The following ACOX1 variants were observed in gnomAD, a reference collection of about 807,000 sequenced individuals.
ACOX1 encodes the protein peroxisomal acyl-coenzyme A oxidase 1.
ACOX1 carries 41 observed loss-of-function variants against 75.5 expected under a neutral mutation model. The ratio of observed to expected loss-of-function variants is 0.54; its 90% CI spans 0.42 to 0.70. ACOX1 has a LOEUF of 0.70. ACOX1 is among the 30% of genes least tolerant of loss of function. The pLI is 0.00. For missense variants in ACOX1, 630 were observed against 837.5 expected (o/e 0.75, Z 3.06); for synonymous variants, 303 against 298.8 (o/e 1.01, Z -0.15).
chr17:75,953,377 T>G, intron 7 of ACOX1, 74 bp downstream of exon 7: 1 of 1,564,412 alleles, frequency 6.4e-7, no homozygotes. Flanking sequence ...GTATTGACAT[T>G]TGGGAATTCT....
rs913454229 is a variant in ACOX1 at position 75,942,391 on chromosome 17, C to T, written c.*4357G>A. 5.8e-5 allele frequency: 8 copies of T among 137,878 alleles called. No homozygotes were observed. Among genetic ancestry groups the T allele is most frequent in the African/African-American group, 2.3e-4 (8 of 34,958 alleles). 8.5% of individuals were successfully genotyped at this position (137,878 alleles called of 1,614,324 possible). ...GTTGCAGTGAGCCAAGATTTCGCCA[C>T]TGCACTCTACCCTGGGTGAAAGAGC... is the stretch of plus-strand genomic sequence containing the variant. On this transcript the variant is annotated 3_prime_UTR_variant, in exon 14 of 14. Coordinates refer to ENST00000293217, the MANE Select transcript of ACOX1 (RefSeq NM_004035.7).
intron 2 of ACOX1, among the ~76,000 whole-genome samples, chr17:75,962,814 A>G (rs1286559058): frequency 6.6e-6 from 1 of 152,198 alleles, no homozygotes; most frequent in Non-Finnish European, 1.5e-5. Flanking sequence ...GCAAGGGGTA[A>G]AACATGGACA....
rs375634741 is a variant in ACOX1 at position 75,967,722 on chromosome 17, A to G, written c.270-7347T>C. On this transcript the variant is annotated intron_variant, in intron 2 of 13. Transcript: ENST00000293217. ...CATATATATACATATATATATACAC[A>G]TATATATATATACACGTATATATAT... Among the ~76,000 whole-genome samples, 111 of 127,620 alleles carry G rather than the reference A, an allele frequency of 8.7e-4. 1 individual carries two copies. Among genetic ancestry groups the G allele is most frequent in the African/African-American group, 2.7e-3 (89 of 32,364 alleles). The allele number at this position is 127,620 out of a possible 152,430, so 83.7% of individuals were successfully genotyped here. A position where few individuals can be genotyped will look rare whatever the true frequency, so the allele number is the denominator to read the frequency against.
Position 75,946,590 on chromosome 17 carries a change from A to T in ACOX1, c.*158T>A. 1.2e-5 allele frequency: 8 copies of T among 686,632 alleles called. No individual in the cohort carries two copies. The Admixed American group carries it at 1.4e-4, about 12-fold the overall frequency. The allele number at this position is 686,632 out of a possible 1,614,324, so 42.5% of individuals were successfully genotyped here. A position where few individuals can be genotyped will look rare whatever the true frequency, so the allele number is the denominator to read the frequency against. ...GCACTTAAAACATCTGCTTTTTTTC[A>T]TTTAATCTCTGAAATCTGTTCATTT... On this transcript the variant is annotated 3_prime_UTR_variant, in exon 14 of 14. Transcript: ENST00000293217.
intron 8 of ACOX1, 119 bp from the exon 9 acceptor site, chr17:75,951,083 T>A: frequency 2.8e-6 from 3 of 1,074,932 alleles, no homozygotes; most frequent in Non-Finnish European, 4.2e-6. Flanking sequence ...CTGCCACACA[T>A]GCAAACTGAA....
In ACOX1 at chr17:75,957,363, A is replaced by C. The variant is rs555947572; in HGVS notation, c.538+96T>G. The C allele has an allele frequency of 9.5e-5, 108 of 1,141,800 alleles. 2 individuals are homozygous for C. In the South Asian group the frequency reaches 1.3e-3, roughly 14 times the overall value. The allele number at this position is 1,141,800 out of a possible 1,614,324, so 70.7% of individuals were successfully genotyped here. A position where few individuals can be genotyped will look rare whatever the true frequency, so the allele number is the denominator to read the frequency against. On this transcript the variant is annotated intron_variant, in intron 4 of 13. Transcript: ENST00000293217. ...CCCAAAGTGTTAGGATTTCACCACC[A>C]AGTCTGGCCGACATTATCATAAAAG... is the stretch of plus-strand genomic sequence containing the variant.
intron 2 of ACOX1, among the ~76,000 whole-genome samples, chr17:75,977,785 C>T (rs1217368607): frequency 1.3e-5 from 2 of 152,066 alleles, no homozygotes; most frequent in African/African-American, 4.8e-5. Context: ...TCCACACTAC[C>T]ATATAATATA....
chr17:75,953,491 G>A lies in ACOX1; in HGVS notation c.904C>T (p.Arg302Ter), dbSNP rs536723496. The change falls in exon 7 of 14, where the codon CGA (arginine) becomes TGA (stop). Residue 302 changes from arginine (R) to a stop codon, truncating the protein, a stop_gained. Coordinates refer to ENST00000293217, the MANE Select transcript of ACOX1 (RefSeq NM_004035.7). LOFTEE classifies it high-confidence loss of function. The part of the protein sequence containing the change: ...ALSKACTIAI[R>*]YSAVRHQSEI... Reference sequence around the variant, plus strand: ...GACTGGTGCCTCACAGCGCTGTATCGGATGGCAATGGTGCACGCCTTAGAC... The same window carrying A: ...GACTGGTGCCTCACAGCGCTGTATCAGATGGCAATGGTGCACGCCTTAGAC... 7 of 1,614,036 alleles carry A rather than the reference G, an allele frequency of 4.3e-6. No homozygotes were observed. Among genetic ancestry groups the A allele is most frequent in the African/African-American group, 1.3e-5 (1 of 74,998 alleles).
chr17:75,949,585 A>G lies in ACOX1; in HGVS notation c.1494T>C (p.Ala498=). The part of the protein sequence containing the change: ...KLRAARLVEI[A]AKNLQKEVIH... ...TCACTTCTTTTTGAAGGTTTTTTGC[A>G]GCAATTTCTACTAATCTGTTAAGAC... is the stretch of plus-strand genomic sequence containing the variant. The change falls in exon 11 of 14, where the codon GCT becomes GCC. Residue 498 remains alanine (A), a synonymous_variant. Transcript: ENST00000293217. The G allele has an allele frequency of 6.2e-7, 1 of 1,614,190 alleles. No individual in the cohort carries two copies. Among genetic ancestry groups the G allele is most frequent in the Non-Finnish European group, 8.5e-7 (1 of 1,180,026 alleles).
intron 2 of ACOX1, among the ~76,000 whole-genome samples, chr17:75,977,123 G>A (rs2066058608): frequency 6.8e-6 from 1 of 146,522 alleles, no homozygotes; most frequent in Admixed American, 7.1e-5. Flanking sequence ...TCAGCCTCCT[G>A]AATAGCTGGG....
In ACOX1 at chr17:75,950,169, C is replaced by T. The variant is rs1423524099; in HGVS notation, c.1299-272G>A. On this transcript the variant is annotated intron_variant, in intron 9 of 13. Transcript: ENST00000293217. This position sits in a 1 kb window ranked among gnomAD's most constrained non-coding sequence, Gnocchi z 4.3. ...GTTTTACCATGTTGGCCAGGCTGGT[C>T]TCTTAACTCCTGACCTCAAGTGATC... Among the ~76,000 whole-genome samples, 1 of 151,804 alleles carries T rather than the reference C, an allele frequency of 6.6e-6. No individual in the cohort carries two copies. Among genetic ancestry groups the T allele is most frequent in the Non-Finnish European group, 1.5e-5 (1 of 68,000 alleles).
At chr17:75,951,603 A>G in intron 7 of ACOX1, 26 bp from the exon 8 acceptor site, 1 of 1,612,550 alleles carries the variant, frequency 6.2e-7, no homozygotes, top group Non-Finnish European at 8.5e-7. Flanking sequence ...AAAGAAAAAA[A>G]GTAGTAAGTA....
At chr17:75,976,286 C>T (rs754322764) in intron 2 of ACOX1, among the ~76,000 whole-genome samples, 36 of 152,106 alleles carry the variant, frequency 2.4e-4, no homozygotes, top group Admixed American at 2.2e-3. Context: ...ATCTTTAACC[C>T]GCATAAAAGA....
Position 75,945,261 on chromosome 17 carries a change from A to G in ACOX1, c.*1487T>C, listed in dbSNP as rs747232228. 1.1e-4 allele frequency: 17 copies of G among 152,246 alleles called. No homozygotes were observed. Among genetic ancestry groups the G allele is most frequent in the Non-Finnish European group, 1.5e-4 (10 of 67,998 alleles). The allele number at this position is 152,246 out of a possible 1,614,324, so 9.4% of individuals were successfully genotyped here. ...TCTACATCTAGCAGGTCAGTTTATC[A>G]TTTTCCAGAATCTGAACTACTGTCA... On this transcript the variant is annotated 3_prime_UTR_variant, in exon 14 of 14. Transcript: ENST00000293217.
At chr17:75,967,721 CATATATATATATACACGTAT>C (rs2065951439) in intron 2 of ACOX1, among the ~76,000 whole-genome samples, 3 of 127,348 alleles carry the variant, frequency 2.4e-5, no homozygotes, top group African/African-American at 8.5e-5. Flanking sequence ...TATATATACA[CATATATATATATACACGTAT>C]ATATATATAT....
chr17:75,947,334 G>A (rs755733678), intron 13 of ACOX1, among the ~76,000 whole-genome samples: 7 of 147,664 alleles, frequency 4.7e-5, no homozygotes, highest in Non-Finnish European at 1.0e-4. Context: ...CGCAACCTCC[G>A]CCTCCCAGGC....
chr17:75,979,065 C>G lies in ACOX1; in HGVS notation c.9G>C (p.Pro3=). MN[P]DLRRERDSAS... Reference sequence around the variant, plus strand: ...CGGAATCCCGCTCCCTGCGCAGGTCCGGGTTCATGGCGACGACCAGCTGGC... The same window carrying G: ...CGGAATCCCGCTCCCTGCGCAGGTCGGGGTTCATGGCGACGACCAGCTGGC... Residue 3 remains proline (P), a synonymous_variant, in exon 1 of 14, where the codon CCG becomes CCC. Transcript: ENST00000293217. The G allele has an allele frequency of 6.2e-7, 1 of 1,611,792 alleles. No homozygotes were observed.
At chr17:75,956,403 C>T (rs1334512786) in intron 4 of ACOX1, among the ~76,000 whole-genome samples, 2 of 151,908 alleles carry the variant, frequency 1.3e-5, no homozygotes, top group Non-Finnish European at 2.9e-5. Flanking sequence ...ATAAAAGTTT[C>T]GGGTCAGCCG....
At chr17:75,973,354 T>C (rs2066014375) in intron 2 of ACOX1, 1 of 483,870 alleles carries the variant, frequency 2.1e-6, no homozygotes, top group East Asian at 3.9e-5. Flanking sequence ...AGTAACATAA[T>C]GGGGTTCCCC....
Sources: gnomAD v4.1 joint callset for allele counts (sites outside exome capture counted in the v4.1 genomes callset) on GRCh38, gnomAD v4.1.1 for gene constraint, Gnocchi (gnomAD v3.1) non-coding constraint, MANE v1.5 for transcripts, NCBI Gene and HGNC (gene_info 2026-07-23, HGNC 2026-07-21) for gene names.